Variants in SSH2 observed in about 807,000 individuals in gnomAD.
SSH2 encodes the protein slingshot protein phosphatase 2.
A neutral mutation model predicts 135.2 loss-of-function variants in SSH2; 37 were observed. The observed-to-expected ratio is 0.27, with a 90% CI of 0.21 to 0.36. The LOEUF (loss-of-function observed/expected upper bound fraction) is 0.36, where lower values mean the gene tolerates loss of function less well. SSH2 is among the 10% of genes least tolerant of loss of function. The pLI, the probability that SSH2 is intolerant of heterozygous loss-of-function variation, is 1.00. For synonymous variants in SSH2, 628 were observed against 646.2 expected, an observed-to-expected ratio of 0.97 and a Z score of 0.43; for missense variants, 1,408 against 1,765.3, an observed-to-expected ratio of 0.80 and a Z score of 3.63.
At chr17:29,758,140 G>C (rs1228928356) in intron 3 of SSH2, among the ~76,000 whole-genome samples, 2 of 152,290 alleles carry the variant, frequency 1.3e-5, no homozygotes, top group African/African-American at 4.8e-5. Context: ...TTCTTTAAAA[G>C]TTTGTCTTAG....
At chr17:29,843,904 G>A (rs1173660627) in intron 2 of SSH2, among the ~76,000 whole-genome samples, 1 of 152,220 alleles carries the variant, frequency 6.6e-6, no homozygotes, top group East Asian at 1.9e-4. Context: ...TCCCATAGAA[G>A]CTGATTATCA....
At chr17:29,648,396 A>G in intron 13 of SSH2, 52 bp from the exon 14 acceptor site, 1 of 1,453,378 alleles carries the variant, frequency 6.9e-7, no homozygotes, top group Non-Finnish European at 9.2e-7. Flanking sequence ...TAGTGGGGAT[A>G]TTTTAAAAGT....
At chr17:29,885,164 T>G (rs979501712) in intron 1 of SSH2, among the ~76,000 whole-genome samples, 1 of 152,190 alleles carries the variant, frequency 6.6e-6, no homozygotes, top group African/African-American at 2.4e-5. Flanking sequence ...ACGTGCTTTA[T>G]TATCTAGAGT....
chr17:29,632,402 G>A lies in SSH2; in HGVS notation c.2792C>T (p.Ser931Phe). ...CCCTTTTGGTGCTAGGTCTGCCACA[G>A]AAGAATCATTCTTTGAATTCTTACG... ...STRKNSKNDS[S>F]VADLAPKGKS... is the part of the protein sequence containing the mutation. Residue 931 changes from serine (S) to phenylalanine (F), a missense_variant, in exon 16 of 16, where the codon TCT becomes TTT. Ser to Phe is a radical substitution (Grantham distance 155). Around this residue, in one of 3 missense-constraint regions of SSH2, gnomAD observed 1,080 missense variants for 1,144.5 expected, o/e 0.94. Coordinates refer to ENST00000540801, the MANE Select transcript of SSH2 (RefSeq NM_001282129.2). 1 of 1,614,182 alleles carries A rather than the reference G, an allele frequency of 6.2e-7. No homozygotes were observed. Among genetic ancestry groups the A allele is most frequent in the Non-Finnish European group, 8.5e-7 (1 of 1,180,012 alleles).
intron 2 of SSH2, among the ~76,000 whole-genome samples, chr17:29,832,093 A>G (rs1455921022): frequency 6.6e-6 from 1 of 152,124 alleles, no homozygotes; most frequent in Non-Finnish European, 1.5e-5. Flanking sequence ...TATTTCAATC[A>G]TTTTACTTAT....
intron 6 of SSH2, among the ~76,000 whole-genome samples, chr17:29,682,514 A>G (rs996255118): frequency 6.6e-6 from 1 of 152,214 alleles, no homozygotes; most frequent in Non-Finnish European, 1.5e-5. Flanking sequence ...TGCTGTATGC[A>G]GTGGCTCATG....
At chr17:29,702,873 A>C in intron 4 of SSH2, 86 bp downstream of exon 4, 3 of 1,056,308 alleles carry the variant, frequency 2.8e-6, no homozygotes, top group Non-Finnish European at 4.4e-6. Flanking sequence ...GAACTTCTGA[A>C]GAGATGGGGA....
chr17:29,829,325 G>T (rs986508403), intron 2 of SSH2, among the ~76,000 whole-genome samples: 1 of 152,088 alleles, frequency 6.6e-6, no homozygotes, highest in African/African-American at 2.4e-5. Flanking sequence ...CTTAACTAGG[G>T]TCATATACAT....
Position 29,636,733 on chromosome 17 carries a change from G to C in SSH2, c.1497C>G (p.Ile499Met). ...DSDLSDHHEP[I>M]CKPGLELNKK... is the part of the protein sequence containing the mutation. ...TGTTGAGTTCTAGCCCAGGTTTGCAGATGGGTTCGTGGTGGTCTGAGAGGT... is the reference window on the plus strand; with the variant it reads ...TGTTGAGTTCTAGCCCAGGTTTGCACATGGGTTCGTGGTGGTCTGAGAGGT... The change falls in exon 15 of 16, where the codon ATC becomes ATG. Residue 499 changes from isoleucine (I) to methionine (M), a missense_variant. Coordinates refer to ENST00000540801, the MANE Select transcript of SSH2 (RefSeq NM_001282129.2). 6.2e-7 allele frequency: 1 copy of C among 1,614,124 alleles called. No individual in the cohort carries two copies. The highest frequency in any genetic ancestry group is 8.5e-7 in the Non-Finnish European group (1 of 1,180,026).
chr17:29,752,840 G>GAA (rs36083993), intron 3 of SSH2, among the ~76,000 whole-genome samples: 63,752 of 140,960 alleles, frequency 0.45, 14,551 homozygotes, highest in Non-Finnish European at 0.51. Flanking sequence ...TCAAATCACA[G>GAA]AAAAAAAAAA....
intron 3 of SSH2, chr17:29,777,616 T>C (rs2041731988): frequency 6.6e-6 from 1 of 152,222 alleles, no homozygotes; most frequent in South Asian, 2.1e-4. Context: ...CAAACAATTC[T>C]TTCTACAACC....
At chr17:29,790,879 C>A (rs2042053502) in intron 3 of SSH2, among the ~76,000 whole-genome samples, 2 of 151,680 alleles carry the variant, frequency 1.3e-5, no homozygotes, top group South Asian at 4.2e-4. Flanking sequence ...CAGGCTCATG[C>A]CACCACACCC....
intron 9 of SSH2, among the ~76,000 whole-genome samples, chr17:29,668,257 AC>A (rs1159939126): frequency 6.6e-6 from 1 of 152,216 alleles, no homozygotes; most frequent in African/African-American, 2.4e-5. Flanking sequence ...GGGGCTTCCC[AC>A]CACTTGGACT....
At chr17:29,836,387 C>G (rs996308652) in intron 2 of SSH2, among the ~76,000 whole-genome samples, 6 of 152,106 alleles carry the variant, frequency 3.9e-5, no homozygotes, top group African/African-American at 1.2e-4. Flanking sequence ...CCCCGATGGA[C>G]TGTAAATTCC....
At position 29,640,424 on chromosome 17, in the gene SSH2, G is replaced by A. The variant is rs552817930; in HGVS notation, c.1428-3622C>T. 2.0e-3 allele frequency among the ~76,000 whole-genome samples: 304 copies of A among 152,280 alleles called. 2 individuals are homozygous for A. The highest frequency in any genetic ancestry group is 5.4e-3 in the South Asian group (26 of 4,826). On this transcript the variant is annotated intron_variant, in intron 14 of 15. Coordinates refer to ENST00000540801, the MANE Select transcript of SSH2 (RefSeq NM_001282129.2). ...TGCCTGCAGATCACTAATCAGTCAG[G>A]AGAGAATGAGAGACTGAAGTTATGC... is the stretch of plus-strand genomic sequence containing the variant.
At chr17:29,635,262 A>G (rs1381274223) in intron 15 of SSH2, among the ~76,000 whole-genome samples, 2 of 152,072 alleles carry the variant, frequency 1.3e-5, no homozygotes, top group African/African-American at 2.4e-5. Context: ...ACAACTATTC[A>G]CACATGTCTA....
chr17:29,769,681 C>T (rs1280911077), intron 3 of SSH2, among the ~76,000 whole-genome samples: 2 of 152,024 alleles, frequency 1.3e-5, no homozygotes, highest in African/African-American at 4.8e-5. Context: ...ATTATCATTC[C>T]TTGTTATAGT....
chr17:29,684,571 A>G lies in SSH2; in HGVS notation c.471T>C (p.Ser157=). 1.9e-6 allele frequency: 3 copies of G among 1,611,334 alleles called. No homozygotes were observed. Among genetic ancestry groups the G allele is most frequent in the Non-Finnish European group, 2.5e-6 (3 of 1,178,470 alleles). ...AAATGGTACCACCATACCTGTCATTAGAGGAGAAATCCATTCCTAGGACGA... is the reference window on the plus strand; with the variant it reads ...AAATGGTACCACCATACCTGTCATTGGAGGAGAAATCCATTCCTAGGACGA... ...ESIVLGMDFS[S]NDSSTCTMGL... is the part of the protein sequence containing the mutation. Residue 157 remains serine (S), a synonymous_variant, in exon 6 of 16, where the codon TCT becomes TCC. Coordinates refer to ENST00000540801, the MANE Select transcript of SSH2 (RefSeq NM_001282129.2).
intron 3 of SSH2, among the ~76,000 whole-genome samples, chr17:29,729,772 A>G (rs917614069): frequency 2.6e-5 from 4 of 152,208 alleles, no homozygotes; most frequent in Admixed American, 2.0e-4. Context: ...TAAGTGAAAT[A>G]AGCCAGGCAC....
Sources: gnomAD v4.1 joint callset for allele counts (sites outside exome capture counted in the v4.1 genomes callset) on GRCh38, gnomAD v4.1.1 for gene constraint, gnomAD v4.1.1 regional missense constraint, MANE v1.5 for transcripts, NCBI Gene and HGNC (gene_info 2026-07-23, HGNC 2026-07-21) for gene names.